OR9Q1: variants seen among roughly 807,000 people sequenced by gnomAD.
OR9Q1 encodes olfactory receptor family 9 subfamily Q member 1, also known as olfactory receptor 9Q1.
For missense variants in OR9Q1, 374 were observed against 378.8 expected (o/e 0.99, Z 0.11); for synonymous variants, 153 against 148.6 (o/e 1.03, Z -0.22).
intron 2 of OR9Q1, among the ~76,000 whole-genome samples, chr11:58,103,239 GC>G (rs2120090969): frequency 6.6e-6 from 1 of 152,154 alleles, no homozygotes; most frequent in African/African-American, 2.4e-5. Context: ...AGAGGAGGAA[GC>G]CCCTTATAAA....
intron 2 of OR9Q1, among the ~76,000 whole-genome samples, chr11:58,177,807 T>C (rs1310200308): frequency 1.3e-5 from 2 of 152,218 alleles, no homozygotes; most frequent in African/African-American, 4.8e-5. Flanking sequence ...GGTAACTTTA[T>C]TCCATGAGAA....
chr11:58,033,532 T>C (rs1853064552), intron 1 of OR9Q1, among the ~76,000 whole-genome samples: 2 of 152,170 alleles, frequency 1.3e-5, no homozygotes, highest in African/African-American at 2.4e-5. Context: ...GTTTTCTCAC[T>C]TGTAAGTAGG....
intron 2 of OR9Q1, among the ~76,000 whole-genome samples, chr11:58,150,354 G>A (rs945775447): frequency 1.3e-5 from 2 of 152,070 alleles, no homozygotes; most frequent in Non-Finnish European, 2.9e-5. Context: ...CAGTGTTGGG[G>A]GAGAACCACT....
intron 1 of OR9Q1, among the ~76,000 whole-genome samples, chr11:58,033,342 T>G (rs1001406269): frequency 1.3e-5 from 2 of 152,166 alleles, no homozygotes; most frequent in South Asian, 2.1e-4. Flanking sequence ...AACAAAGAGA[T>G]GGAATCAGTC....
At chr11:58,075,853 T>C (rs987610272) in intron 2 of OR9Q1, among the ~76,000 whole-genome samples, 3 of 152,222 alleles carry the variant, frequency 2.0e-5, no homozygotes, top group South Asian at 4.1e-4. Context: ...TCCAGTCTCT[T>C]CTTTTAATAA....
intron 2 of OR9Q1, among the ~76,000 whole-genome samples, chr11:58,062,440 C>T (rs954663544): frequency 6.6e-6 from 1 of 152,180 alleles, no homozygotes; most frequent in African/African-American, 2.4e-5. Flanking sequence ...TCACCTCCCA[C>T]ATCTCCCCAG....
At chr11:58,069,879 AAAACCAAACC>A (rs112350341) in intron 2 of OR9Q1, among the ~76,000 whole-genome samples, 1 of 151,368 alleles carries the variant, frequency 6.6e-6, no homozygotes, top group Non-Finnish European at 1.5e-5. Flanking sequence ...CAAACAACAA[AAAACCAAACC>A]AAACCAAACC....
intron 2 of OR9Q1, among the ~76,000 whole-genome samples, chr11:58,086,989 C>G (rs1403181959): frequency 6.6e-6 from 1 of 151,542 alleles, no homozygotes; most frequent in Non-Finnish European, 1.5e-5. Flanking sequence ...ATTGCTTTAA[C>G]AATAGATTTT....
At chr11:58,071,172 C>T (rs954215981) in intron 2 of OR9Q1, among the ~76,000 whole-genome samples, 3 of 152,166 alleles carry the variant, frequency 2.0e-5, no homozygotes, top group Admixed American at 1.3e-4. Flanking sequence ...TATGTATTTC[C>T]TAAGACACTT....
At chr11:58,100,999 G>T (rs1300475957) in intron 2 of OR9Q1, among the ~76,000 whole-genome samples, 1 of 152,078 alleles carries the variant, frequency 6.6e-6, no homozygotes, top group African/African-American at 2.4e-5. Context: ...AATGGTGGTG[G>T]TTATCAGAAC....
chr11:58,055,516 AGGCTGGATGT>A (rs1565062959), intron 1 of OR9Q1, among the ~76,000 whole-genome samples: 1 of 152,042 alleles, frequency 6.6e-6, no homozygotes, highest in African/African-American at 2.4e-5. Flanking sequence ...GGGCTGGAGG[AGGCTGGATGT>A]GGTGGCTTAC....
intron 2 of OR9Q1, among the ~76,000 whole-genome samples, chr11:58,124,856 G>A (rs1021241033): frequency 6.6e-5 from 10 of 152,070 alleles, no homozygotes; most frequent in African/African-American, 1.7e-4. Flanking sequence ...TCTTCTCTGC[G>A]CTGATCACAA....
intron 2 of OR9Q1, among the ~76,000 whole-genome samples, chr11:58,104,309 G>C (rs778817668): frequency 6.6e-6 from 1 of 150,572 alleles, no homozygotes; most frequent in Non-Finnish European, 1.5e-5. Context: ...GAGGAAGAAG[G>C]ATAAGAGAGA....
chr11:58,091,521 A>G (rs1853684089), intron 2 of OR9Q1, among the ~76,000 whole-genome samples: 1 of 152,050 alleles, frequency 6.6e-6, no homozygotes. Flanking sequence ...GTTTGTTATG[A>G]TTTCTGCACT....
At position 58,167,179 on chromosome 11, in the gene OR9Q1, G is replaced by A. The variant is rs115054117; in HGVS notation, c.-14-12252G>A. ...ATCTCAAGTGAAATTAATCAGACACGTAATTAATTTTTAAATATAATATGC... is the reference window on the plus strand; with the variant it reads ...ATCTCAAGTGAAATTAATCAGACACATAATTAATTTTTAAATATAATATGC... On this transcript the variant is annotated intron_variant, in intron 2 of 2. Coordinates refer to ENST00000335397, the MANE Select transcript of OR9Q1 (RefSeq NM_001005212.4). Among the ~76,000 whole-genome samples, 289 of 152,216 alleles carry A rather than the reference G, an allele frequency of 1.9e-3. 1 individual carries two copies. The highest frequency in any genetic ancestry group is 6.4e-3 in the African/African-American group (265 of 41,538).
chr11:58,109,907 G>T (rs1479577292), intron 2 of OR9Q1, among the ~76,000 whole-genome samples: 3 of 152,132 alleles, frequency 2.0e-5, no homozygotes, highest in Non-Finnish European at 4.4e-5. Context: ...CTTATTGTCT[G>T]GGATGTTTTC....
At chr11:58,178,302 A>G (rs995506376) in intron 2 of OR9Q1, among the ~76,000 whole-genome samples, 1 of 152,172 alleles carries the variant, frequency 6.6e-6, no homozygotes, top group Non-Finnish European at 1.5e-5. Flanking sequence ...ACATCTAGTT[A>G]CTCTGATTTG....
At chr11:58,148,017 T>C (rs1268785213) in intron 2 of OR9Q1, among the ~76,000 whole-genome samples, 1 of 152,168 alleles carries the variant, frequency 6.6e-6, no homozygotes, top group Non-Finnish European at 1.5e-5. Context: ...TATAATATTT[T>C]GGCCTCAATT....
At position 58,076,216 on chromosome 11, in the gene OR9Q1, C is replaced by T. The variant is rs151215628; in HGVS notation, c.-15+20269C>T. On this transcript the variant is annotated intron_variant, in intron 2 of 2. Coordinates refer to ENST00000335397, the MANE Select transcript of OR9Q1 (RefSeq NM_001005212.4). ...CTGAATAACAAATTACTACATTTAG[C>T]AGCTCAAAGCAACACAAATCTTATA... 4.1e-4 allele frequency among the ~76,000 whole-genome samples: 63 copies of T among 152,308 alleles called. 1 individual carries two copies. The East Asian group carries it at 0.01, about 25-fold the overall frequency.
Sources: allele counts gnomAD v4.1 joint callset (sites outside exome capture counted in the v4.1 genomes callset), GRCh38; gene constraint gnomAD v4.1.1; transcripts MANE v1.5; gene names NCBI Gene and HGNC (gene_info 2026-07-23, HGNC 2026-07-21).